Variants in C7 observed in about 807,000 individuals in gnomAD.
C7 encodes complement component C7.
C7 carries 83 observed loss-of-function variants against 104.8 expected under a neutral mutation model. The observed-to-expected ratio is 0.79, with a 90% CI of 0.66 to 0.95. The LOEUF (loss-of-function observed/expected upper bound fraction) is 0.95. C7 is among the 40% of genes least tolerant of loss of function. The pLI, the probability that C7 is intolerant of heterozygous loss-of-function variation, is 0.00. For synonymous variants in C7, 415 were observed against 360.6 expected, an observed-to-expected ratio of 1.15 and a Z score of -1.71; for missense variants, 1,070 against 1,011.2, an observed-to-expected ratio of 1.06 and a Z score of -0.79.
intron 9 of C7, among the ~76,000 whole-genome samples, chr5:40,951,324 T>G: frequency 6.6e-6 from 1 of 152,208 alleles, no homozygotes; most frequent in East Asian, 1.9e-4. Context: ...GGGTTGTCTG[T>G]TACACATTGA....
intron 17 of C7, 140 bp downstream of exon 17, chr5:40,980,049 C>T (rs1740909553): frequency 4.7e-6 from 3 of 638,586 alleles, no homozygotes; most frequent in Non-Finnish European, 2.5e-6. Flanking sequence ...TTGACATGCA[C>T]TGACCTCTCC....
At chr5:40,979,155 C>T (rs1367309043) in intron 16 of C7, among the ~76,000 whole-genome samples, 1 of 152,118 alleles carries the variant, frequency 6.6e-6, no homozygotes, top group Admixed American at 6.6e-5. Flanking sequence ...ACTGGGATTA[C>T]AGGCTCCCAA....
At chr5:40,945,690 C>T (rs981155539) in intron 7 of C7, among the ~76,000 whole-genome samples, 4 of 151,748 alleles carry the variant, frequency 2.6e-5, no homozygotes, top group African/African-American at 9.7e-5. Context: ...CATAGCAAGA[C>T]CCTGTCTCTA....
chr5:40,921,007 C>G (rs942287804), intron 1 of C7, among the ~76,000 whole-genome samples: 3 of 150,408 alleles, frequency 2.0e-5, no homozygotes. Flanking sequence ...CAAAATGATG[C>G]CACTGCACTT....
At chr5:40,939,265 C>A (rs114129502) in intron 6 of C7, among the ~76,000 whole-genome samples, 1 of 152,130 alleles carries the variant, frequency 6.6e-6, no homozygotes, top group Non-Finnish European at 1.5e-5. Flanking sequence ...AGAAGTAAAA[C>A]AGATCTGAAA....
At chr5:40,935,084 C>G (rs1739784865) in intron 4 of C7, among the ~76,000 whole-genome samples, 1 of 152,152 alleles carries the variant, frequency 6.6e-6, no homozygotes, top group South Asian at 2.1e-4. Context: ...CAGAATAGTA[C>G]ATAAATAATC....
intron 15 of C7, among the ~76,000 whole-genome samples, chr5:40,974,640 G>A (rs1470309980): frequency 7.2e-5 from 11 of 152,040 alleles, no homozygotes; most frequent in East Asian, 3.9e-4. Context: ...GGATGGTCCC[G>A]ATCTCCTGAC....
At chr5:40,946,503 A>T (rs2455313) in intron 7 of C7, among the ~76,000 whole-genome samples, 25,862 of 152,184 alleles carry the variant, frequency 0.17, 2,206 homozygotes, top group African/African-American at 0.18. Flanking sequence ...ATTGTTCACA[A>T]AGTGGGGATT....
intron 16 of C7, 74 bp downstream of exon 16, chr5:40,976,914 C>A: frequency 8.7e-7 from 1 of 1,155,372 alleles, no homozygotes; most frequent in Non-Finnish European, 1.2e-6. Context: ...ATAATAGTGT[C>A]TGTTGGATGG....
chr5:40,940,806 T>C (rs1016594240), intron 6 of C7, among the ~76,000 whole-genome samples: 3 of 152,046 alleles, frequency 2.0e-5, no homozygotes, highest in African/African-American at 7.2e-5. Context: ...TTACAAATGA[T>C]AAAACAGAGG....
intron 4 of C7, among the ~76,000 whole-genome samples, chr5:40,934,830 A>G (rs1561242675): frequency 2.0e-5 from 3 of 152,196 alleles, no homozygotes; most frequent in Non-Finnish European, 4.4e-5. Context: ...TTATATCTAC[A>G]AGAAAAGCAA....
At chr5:40,952,834 A>T (rs1172423778) in intron 9 of C7, among the ~76,000 whole-genome samples, 1 of 152,218 alleles carries the variant, frequency 6.6e-6, no homozygotes, top group African/African-American at 2.4e-5. Flanking sequence ...TGATGAGCTC[A>T]TGTCCTTTGT....
intron 9 of C7, among the ~76,000 whole-genome samples, chr5:40,950,765 A>G (rs1740150433): frequency 6.6e-6 from 1 of 152,174 alleles, no homozygotes; most frequent in Admixed American, 6.6e-5. Context: ...AAGTGACAAT[A>G]TCAAGAGACA....
At chr5:40,930,406 A>G (rs1225643660) in intron 2 of C7, among the ~76,000 whole-genome samples, 1 of 151,696 alleles carries the variant, frequency 6.6e-6, no homozygotes, top group Non-Finnish European at 1.5e-5. Flanking sequence ...GGGTTTCACC[A>G]TGATGGCCCT....
chr5:40,948,184 A>G (rs1740092275), intron 8 of C7, among the ~76,000 whole-genome samples: 2 of 152,168 alleles, frequency 1.3e-5, no homozygotes, highest in Non-Finnish European at 2.9e-5. Flanking sequence ...GAATTTAGCA[A>G]TATTTCAGAA....
At position 40,976,798 on chromosome 5, in the gene C7, T is replaced by C. The variant is rs903473003; in HGVS notation, c.2123T>C (p.Leu708Pro). 2 of 1,607,724 alleles carry C rather than the reference T, an allele frequency of 1.2e-6. No homozygotes were observed. The highest frequency in any genetic ancestry group is 1.7e-6 in the Non-Finnish European group (2 of 1,176,850). Reference sequence around the variant, plus strand: ...CCTAAATGTCAGCGCTGGGAGAAACTGCAGAATTCAAGATGTGTTTGTAAA... The same window carrying C: ...CCTAAATGTCAGCGCTGGGAGAAACCGCAGAATTCAAGATGTGTTTGTAAA... The part of the protein sequence containing the change: ...AVPKCQRWEK[L>P]QNSRCVCKMP... The change falls in exon 16 of 18, where the codon CTG (leucine) becomes CCG (proline). Residue 708 changes from leucine to proline, a missense_variant. Leu to Pro is a moderately conservative substitution (Grantham distance 98, BLOSUM62 -3). Transcript: ENST00000313164.
intron 1 of C7, chr5:40,911,271 A>G (rs1739202453): frequency 6.6e-6 from 1 of 152,280 alleles, no homozygotes; most frequent in African/African-American, 2.4e-5. Context: ...TTGGGCTATC[A>G]AGAAGCTAGA....
chr5:40,932,991 C>T (rs747589431), intron 3 of C7, among the ~76,000 whole-genome samples: 85 of 152,218 alleles, frequency 5.6e-4, no homozygotes, highest in Non-Finnish European at 5.6e-4. Flanking sequence ...CTTTCTTATG[C>T]AAACAACACC....
chr5:40,926,481 G>T (rs1739554405), intron 1 of C7, among the ~76,000 whole-genome samples: 1 of 152,178 alleles, frequency 6.6e-6, no homozygotes, highest in Non-Finnish European at 1.5e-5. Context: ...GAAAATGCCT[G>T]TGTTTGCTGG....
Sources: gnomAD v4.1 joint callset for allele counts (sites outside exome capture counted in the v4.1 genomes callset) on GRCh38, gnomAD v4.1.1 for gene constraint, MANE v1.5 for transcripts, NCBI Gene and HGNC (gene_info 2026-07-23, HGNC 2026-07-21) for gene names.